ZFYVE9: variants seen among roughly 807,000 people sequenced by gnomAD.
ZFYVE9 encodes zinc finger FYVE-type containing 9, also known as zinc finger FYVE domain-containing protein 9.
Under a neutral mutation model 126.7 loss-of-function variants are expected in ZFYVE9, and 43 were observed. The ratio of observed to expected loss-of-function variants is 0.34; its 90% confidence interval spans 0.27 to 0.44. The LOEUF is 0.44. Among genes scored for constraint, ZFYVE9 ranks in the 20% least tolerant of loss-of-function variants. ZFYVE9 has a pLI of 1.00. For synonymous variants in ZFYVE9, 521 were observed against 597.4 expected (o/e 0.87, Z 1.87); for missense variants, 1,476 against 1,697.0 (o/e 0.87, Z 2.29).
At chr1:52,281,220 C>T (rs1645800604) in intron 9 of ZFYVE9, among the ~76,000 whole-genome samples, 1 of 151,284 alleles carries the variant, frequency 6.6e-6, no homozygotes, top group Non-Finnish European at 1.5e-5. Flanking sequence ...GCAAGCTCCA[C>T]CTCCCGGGTT....
intron 10 of ZFYVE9, among the ~76,000 whole-genome samples, chr1:52,282,423 A>C (rs1380710043): frequency 6.6e-6 from 1 of 152,192 alleles, no homozygotes; most frequent in African/African-American, 2.4e-5. Context: ...TGATTTAACA[A>C]ATGAGGTAGA....
At chr1:52,274,654 A>C in intron 8 of ZFYVE9, 70 bp downstream of exon 8, 1 of 1,446,780 alleles carries the variant, frequency 6.9e-7, no homozygotes. Context: ...TAAGGTAGAG[A>C]GACAGAATTT....
intron 1 of ZFYVE9, among the ~76,000 whole-genome samples, chr1:52,211,850 C>T (rs534217964): frequency 6.6e-6 from 1 of 152,210 alleles, no homozygotes; most frequent in African/African-American, 2.4e-5. Flanking sequence ...GAAATTTTCA[C>T]CCTCACAAAT....
chr1:52,268,665 A>G (rs1404975459), intron 7 of ZFYVE9, 33 bp downstream of exon 7: 25 of 1,605,580 alleles, frequency 1.6e-5, no homozygotes, highest in Non-Finnish European at 2.0e-5. Flanking sequence ...AAAATTGCAT[A>G]GCTACTTTAC....
chr1:52,225,644 C>CAAA (rs1557466827), intron 2 of ZFYVE9, among the ~76,000 whole-genome samples: 11 of 152,002 alleles, frequency 7.2e-5, no homozygotes, highest in African/African-American at 2.7e-4. Flanking sequence ...GAAGGGGTGG[C>CAAA]GGTAAAGAAG....
chr1:52,298,957 C>T (rs571930219), intron 12 of ZFYVE9, among the ~76,000 whole-genome samples: 6 of 151,964 alleles, frequency 3.9e-5, no homozygotes, highest in Admixed American at 6.6e-5. Context: ...TACAGGTGCC[C>T]GCCACCACGC....
chr1:52,155,510 A>G (rs1644395275), intron 1 of ZFYVE9, among the ~76,000 whole-genome samples: 1 of 152,168 alleles, frequency 6.6e-6, no homozygotes, highest in African/African-American at 2.4e-5. Context: ...CTGGGATTAC[A>G]GGCGTGAGCC....
chr1:52,232,429 A>C (rs902094668), intron 2 of ZFYVE9, among the ~76,000 whole-genome samples: 1 of 152,176 alleles, frequency 6.6e-6, no homozygotes, highest in Non-Finnish European at 1.5e-5. Flanking sequence ...GAAGAGGGTT[A>C]CAAGAATAAC....
chr1:52,232,719 ACT>A (rs1273686533), intron 2 of ZFYVE9, among the ~76,000 whole-genome samples: 1 of 120,152 alleles, frequency 8.3e-6, no homozygotes, highest in Non-Finnish European at 1.6e-5. Context: ...CAAGAGTGAG[ACT>A]CTGTCTCAAA....
At chr1:52,214,978 T>G (rs1455152912) in intron 1 of ZFYVE9, among the ~76,000 whole-genome samples, 1 of 152,232 alleles carries the variant, frequency 6.6e-6, no homozygotes, top group African/African-American at 2.4e-5. Flanking sequence ...CAAATGAGAT[T>G]AGCTCATCCA....
chr1:52,317,194 T>C (rs1440243191), intron 13 of ZFYVE9, among the ~76,000 whole-genome samples: 4 of 152,036 alleles, frequency 2.6e-5, no homozygotes, highest in Non-Finnish European at 5.9e-5. Flanking sequence ...AAACAATGAT[T>C]AGAGATAAAT....
intron 4 of ZFYVE9, among the ~76,000 whole-genome samples, chr1:52,241,585 A>G (rs1418591353): frequency 6.6e-6 from 1 of 152,212 alleles, no homozygotes; most frequent in Admixed American, 6.5e-5. Context: ...AAAATGATGC[A>G]CAAAATGCAT....
At chr1:52,330,857 T>C (rs1402183911) in intron 13 of ZFYVE9, among the ~76,000 whole-genome samples, 2 of 152,072 alleles carry the variant, frequency 1.3e-5, no homozygotes, top group Non-Finnish European at 2.9e-5. Flanking sequence ...CTGACAGCAC[T>C]ACAACTTTTT....
chr1:52,232,091 A>G (rs1238507122), intron 2 of ZFYVE9, among the ~76,000 whole-genome samples: 1 of 152,174 alleles, frequency 6.6e-6, no homozygotes, highest in Non-Finnish European at 1.5e-5. Context: ...GTTTACAAAG[A>G]CAGCCTATTA....
intron 1 of ZFYVE9, among the ~76,000 whole-genome samples, chr1:52,208,413 C>T (rs769038199): frequency 2.6e-5 from 4 of 151,892 alleles, no homozygotes; most frequent in South Asian, 2.1e-4. Flanking sequence ...GGTAAAATAT[C>T]GAACTAATAG....
At chr1:52,254,916 C>A (rs1044982791) in intron 4 of ZFYVE9, among the ~76,000 whole-genome samples, 1 of 151,800 alleles carries the variant, frequency 6.6e-6, no homozygotes, top group Non-Finnish European at 1.5e-5. Context: ...GCCTGGGCAA[C>A]ATAATATCTC....
rs191399335 is a variant in ZFYVE9 at position 52,207,100 on chromosome 1, T to C, written c.-142-9269T>C. ...CAGAAATAATATTTAATCAAATGTT[T>C]AGGCATTCCTTGTCCCAGTCAAGTT... On this transcript the variant is annotated intron_variant, in intron 1 of 18. Transcript: ENST00000287727. Among the ~76,000 whole-genome samples the C allele has an allele frequency of 1.5e-4, 23 of 152,340 alleles. No homozygotes were observed. The East Asian group carries it at 3.9e-3, about 26-fold the overall frequency.
intron 4 of ZFYVE9, among the ~76,000 whole-genome samples, chr1:52,255,965 T>TTCC (rs1553129447): frequency 7.2e-4 from 41 of 56,766 alleles, no homozygotes; most frequent in Admixed American, 3.2e-3. Flanking sequence ...TTTCTTTTCT[T>TTCC]TTCTTTCTTT....
rs1445540396 is a variant in ZFYVE9 at position 52,281,785 on chromosome 1, C to A, written c.2994C>A (p.His998Gln). The change falls in exon 10 of 19, where the codon CAC (histidine) becomes CAA (glutamine). Residue 998 changes from histidine (H) to glutamine (Q), a missense_variant. His to Gln is a conservative substitution (Grantham distance 24). Transcript: ENST00000287727. ...EKCLPKDIFN[H>Q]FVQLYRDALA... ...GTTTGCCAAAGGATATCTTTAATCA[C>A]TTTGTGCAGCTTTATCGGGATGCTC... 2 of 1,614,040 alleles carry A rather than the reference C, an allele frequency of 1.2e-6. No individual in the cohort carries two copies. The highest frequency in any genetic ancestry group is 1.1e-5 in the South Asian group (1 of 91,094).
Sources: gnomAD v4.1 joint callset for allele counts (sites outside exome capture counted in the v4.1 genomes callset) on GRCh38, gnomAD v4.1.1 for gene constraint, MANE v1.5 for transcripts, NCBI Gene and HGNC (gene_info 2026-07-23, HGNC 2026-07-21) for gene names.